Variants in MICU1 observed in about 807,000 individuals in gnomAD.
MICU1 encodes mitochondrial calcium uptake 1, also known as calcium uptake protein 1, mitochondrial.
A neutral mutation model predicts 56.8 loss-of-function variants in MICU1; 45 were observed. The ratio of observed to expected loss-of-function variants is 0.79; its 90% CI spans 0.62 to 1.02. MICU1 has a LOEUF of 1.02. Among genes scored for constraint, MICU1 ranks in the 50% least tolerant of loss-of-function variants. The pLI is 0.00. For missense variants in MICU1, 504 were observed against 587.1 expected (o/e 0.86, Z 1.46); for synonymous variants, 186 against 195.1 (o/e 0.95, Z 0.39).
At chr10:72,404,392 C>G (rs921403282) in intron 10 of MICU1, among the ~76,000 whole-genome samples, 1 of 152,076 alleles carries the variant, frequency 6.6e-6, no homozygotes, top group African/African-American at 2.4e-5. Flanking sequence ...ATAATATATA[C>G]TGAAAATAAG....
intron 1 of MICU1, among the ~76,000 whole-genome samples, chr10:72,570,866 A>ATT (rs573834425): frequency 3.5e-5 from 5 of 144,704 alleles, no homozygotes; most frequent in East Asian, 2.0e-4. Flanking sequence ...GCAACTTCTG[A>ATT]TTTTTTTTTT....
At chr10:72,609,711 G>A (rs1192158148) in intron 1 of MICU1, among the ~76,000 whole-genome samples, 9 of 146,720 alleles carry the variant, frequency 6.1e-5, no homozygotes, top group African/African-American at 2.3e-4. Context: ...TCCAGCCTGG[G>A]CAACAGAGCC....
At chr10:72,560,963 T>C (rs1840281724) in intron 3 of MICU1, among the ~76,000 whole-genome samples, 1 of 152,134 alleles carries the variant, frequency 6.6e-6, no homozygotes, top group Non-Finnish European at 1.5e-5. Context: ...CTATATAGAT[T>C]ATGTAAAAGA....
chr10:72,467,727 A>T (rs1367441710), intron 8 of MICU1: 3 of 152,140 alleles, frequency 2.0e-5, no homozygotes, highest in Non-Finnish European at 4.4e-5. Context: ...TTTTTCTTGA[A>T]GACTGAAATA....
At chr10:72,385,058 A>T (rs1862841515) in intron 10 of MICU1, among the ~76,000 whole-genome samples, 2 of 152,132 alleles carry the variant, frequency 1.3e-5, no homozygotes, top group Admixed American at 6.6e-5. Flanking sequence ...ACATAAAAGC[A>T]TTGAGTCCTC....
At chr10:72,592,794 T>C (rs1280545620) in intron 1 of MICU1, among the ~76,000 whole-genome samples, 1 of 151,718 alleles carries the variant, frequency 6.6e-6, no homozygotes, top group Non-Finnish European at 1.5e-5. Flanking sequence ...TTTTTTTTTT[T>C]TTTTTGAGAT....
chr10:72,511,327 G>A (rs1219330956), intron 5 of MICU1, among the ~76,000 whole-genome samples: 3 of 152,136 alleles, frequency 2.0e-5, no homozygotes, highest in South Asian at 2.1e-4. Flanking sequence ...CCATAATCCC[G>A]AATGTTGAAA....
chr10:72,509,188 G>C (rs910773841), intron 5 of MICU1, among the ~76,000 whole-genome samples: 1 of 152,078 alleles, frequency 6.6e-6, no homozygotes, highest in Admixed American at 6.6e-5. Flanking sequence ...ACAAGTTCTA[G>C]ACCACCAAAA....
intron 10 of MICU1, among the ~76,000 whole-genome samples, chr10:72,396,050 G>A (rs1185523705): frequency 2.0e-5 from 3 of 152,178 alleles, no homozygotes; most frequent in African/African-American, 7.2e-5. Flanking sequence ...CCTCATACAG[G>A]CGGCTGCCTC....
At chr10:72,472,409 T>C (rs1164910878) in intron 8 of MICU1, among the ~76,000 whole-genome samples, 4 of 152,208 alleles carry the variant, frequency 2.6e-5, no homozygotes, top group Non-Finnish European at 5.9e-5. Context: ...ATGTGTCACA[T>C]TCCTCTGTAT....
intron 3 of MICU1, among the ~76,000 whole-genome samples, chr10:72,558,002 T>C (rs544791570): frequency 1.7e-3 from 261 of 152,330 alleles, no homozygotes; most frequent in Non-Finnish European, 3.0e-3. Flanking sequence ...CTTTTTAAAA[T>C]GAAGATGCTA....
Position 72,444,444 on chromosome 10 carries a change from C to T in MICU1, c.934-21073G>A, listed in dbSNP as rs921595271. Among the ~76,000 whole-genome samples, 104 of 107,682 alleles carry T rather than the reference C, an allele frequency of 9.7e-4. 2 individuals carry two copies. The highest frequency in any genetic ancestry group is 4.0e-3 in the African/African-American group (100 of 25,010). 70.6% of individuals were successfully genotyped at this position (107,682 alleles called of 152,430 possible). A position where few individuals can be genotyped will look rare whatever the true frequency, so the allele number is the denominator to read the frequency against. On this transcript the variant is annotated intron_variant, in intron 8 of 11. Transcript: ENST00000361114. ...TATACTTCTATGTGAGAGTCTTTGC[C>T]TTTTTTTTTTTTTTTTTTTTTTTGA...
At chr10:72,495,150 A>C (rs971941309) in intron 6 of MICU1, among the ~76,000 whole-genome samples, 10 of 151,864 alleles carry the variant, frequency 6.6e-5, no homozygotes, top group African/African-American at 2.4e-4. Flanking sequence ...CTTTAGGAAT[A>C]TATTTTCTTC....
chr10:72,370,155 C>T (rs915412207), intron 11 of MICU1, among the ~76,000 whole-genome samples: 1 of 152,070 alleles, frequency 6.6e-6, no homozygotes, highest in African/African-American at 2.4e-5. Flanking sequence ...GGATTACAGG[C>T]GTGAGACACT....
intron 6 of MICU1, among the ~76,000 whole-genome samples, chr10:72,503,914 T>G (rs1219634916): frequency 6.6e-6 from 1 of 151,242 alleles, no homozygotes; most frequent in Non-Finnish European, 1.5e-5. Flanking sequence ...ACCCTAGGAA[T>G]ATACGTGACC....
chr10:72,610,487 G>A (rs1029973067), intron 1 of MICU1, among the ~76,000 whole-genome samples: 5 of 152,028 alleles, frequency 3.3e-5, no homozygotes, highest in Admixed American at 6.6e-5. Context: ...TAACAAAAAC[G>A]AACAAGAGAT....
intron 1 of MICU1, among the ~76,000 whole-genome samples, chr10:72,603,744 T>TG (rs1329826933): frequency 6.6e-6 from 1 of 151,976 alleles, no homozygotes; most frequent in Non-Finnish European, 1.5e-5. Context: ...GCAGAGGTTG[T>TG]GGTGAGCTGA....
intron 1 of MICU1, among the ~76,000 whole-genome samples, chr10:72,604,321 T>G (rs2132553738): frequency 7.3e-6 from 1 of 137,608 alleles, no homozygotes; most frequent in African/African-American, 2.7e-5. Flanking sequence ...TTGTCCAGGC[T>G]GCAGCGCAAT....
intron 1 of MICU1, among the ~76,000 whole-genome samples, chr10:72,615,998 A>G (rs2132579950): frequency 6.6e-6 from 1 of 152,310 alleles, no homozygotes; most frequent in South Asian, 2.1e-4. Context: ...CAAAAAAACA[A>G]AAAACAAAAA....
Sources: allele counts gnomAD v4.1 joint callset (sites outside exome capture counted in the v4.1 genomes callset), GRCh38; gene constraint gnomAD v4.1.1; transcripts MANE v1.5; gene names NCBI Gene and HGNC (gene_info 2026-07-23, HGNC 2026-07-21).